The following RAB28 variants were observed in gnomAD, a reference collection of about 807,000 sequenced individuals.
The protein encoded by RAB28 is RAB28, member RAS oncogene family, also known as ras-related protein Rab-28.
Under a neutral mutation model 31.7 loss-of-function variants are expected in RAB28, and 24 were observed. The ratio of observed to expected loss-of-function variants is 0.76; its 90% CI spans 0.55 to 1.06. The LOEUF is 1.06. Ranked by LOEUF, RAB28 falls within the 50% of genes least tolerant of loss-of-function variation. The pLI, the probability that RAB28 is intolerant of heterozygous loss-of-function variation, is 0.00. For missense variants in RAB28, 254 were observed against 258.5 expected (o/e 0.98, Z 0.12); for synonymous variants, 100 against 90.4 (o/e 1.11, Z -0.60).
At chr4:13,391,747 C>A (rs1729639092) in intron 4 of RAB28, among the ~76,000 whole-genome samples, 1 of 152,034 alleles carries the variant, frequency 6.6e-6, no homozygotes, top group African/African-American at 2.4e-5. Flanking sequence ...GAGTTCTTTT[C>A]CTTTGCAGGG....
chr4:13,415,907 G>A (rs193262460), intron 4 of RAB28, among the ~76,000 whole-genome samples: 134 of 152,272 alleles, frequency 8.8e-4, no homozygotes, highest in African/African-American at 2.4e-3. Context: ...TACACCAATC[G>A]GCACTCTGTA....
Position 13,375,880 on chromosome 4 carries a change from A to G in RAB28, c.573+665T>C, listed in dbSNP as rs891382760. Reference sequence around the variant, plus strand: ...AATTTAAGGATGGGAAAAGATAATTATACTTTTTTAGTTGCACAGGGTGCG... The same window carrying G: ...AATTTAAGGATGGGAAAAGATAATTGTACTTTTTTAGTTGCACAGGGTGCG... On this transcript the variant is annotated intron_variant, in intron 6 of 6. Transcript: ENST00000330852. 3.9e-5 allele frequency among the ~76,000 whole-genome samples: 6 copies of G among 152,102 alleles called. No individual in the cohort carries two copies. The South Asian group carries it at 1.2e-3, about 32-fold the overall frequency.
intron 4 of RAB28, among the ~76,000 whole-genome samples, chr4:13,428,311 T>C (rs1201756631): frequency 1.3e-5 from 2 of 151,998 alleles, no homozygotes; most frequent in Non-Finnish European, 2.9e-5. Flanking sequence ...TAACAAAGCA[T>C]GAAAACAAGC....
chr4:13,410,931 T>C (rs370819176), intron 4 of RAB28, among the ~76,000 whole-genome samples: 9 of 151,976 alleles, frequency 5.9e-5, no homozygotes, highest in Non-Finnish European at 8.8e-5. Context: ...GGAGAAATAA[T>C]AAAACAAGTG....
intron 4 of RAB28, among the ~76,000 whole-genome samples, chr4:13,397,755 T>C (rs1014939921): frequency 1.3e-5 from 2 of 152,160 alleles, no homozygotes; most frequent in South Asian, 2.1e-4. Context: ...CTACAATTAT[T>C]ATCACCTGAC....
intron 4 of RAB28, 23 bp downstream of exon 4, chr4:13,460,675 CA>C (rs1361683170): frequency 3.7e-6 from 6 of 1,613,434 alleles, no homozygotes; most frequent in Non-Finnish European, 4.2e-6. Context: ...CTGTACCATA[CA>C]TAAACAAGCA....
Position 13,442,479 on chromosome 4 carries a change from T to G in RAB28, c.391+18220A>C, listed in dbSNP as rs568094128. 2.2e-4 allele frequency among the ~76,000 whole-genome samples: 33 copies of G among 148,996 alleles called. 1 individual carries two copies. In the East Asian group the frequency reaches 6.2e-3, roughly 28 times the overall value. The stretch of plus-strand genomic sequence containing the variant: ...CCTCCATCAGCAGAATTTAAGCAAA[T>G]GTCCAAAAAAAAAAAACTTCTAAAC... On this transcript the variant is annotated intron_variant, in intron 4 of 6. Transcript: ENST00000330852.
intron 4 of RAB28, among the ~76,000 whole-genome samples, chr4:13,428,686 A>C (rs1267547420): frequency 6.6e-6 from 1 of 152,198 alleles, no homozygotes; most frequent in Non-Finnish European, 1.5e-5. Context: ...GGAGAGCACC[A>C]AGTATTCCTC....
chr4:13,444,024 T>TA (rs1714558337), intron 4 of RAB28, among the ~76,000 whole-genome samples: 1 of 151,996 alleles, frequency 6.6e-6, no homozygotes, highest in Non-Finnish European at 1.5e-5. Flanking sequence ...TTTCCTTTTT[T>TA]TTTTTTTTTC....
At chr4:13,372,153 G>C (rs934336038) in intron 6 of RAB28, among the ~76,000 whole-genome samples, 1 of 152,052 alleles carries the variant, frequency 6.6e-6, no homozygotes, top group African/African-American at 2.4e-5. Flanking sequence ...AGACATTTAG[G>C]TAAATAATGC....
intron 4 of RAB28, among the ~76,000 whole-genome samples, chr4:13,428,795 A>C (rs1713649939): frequency 6.6e-6 from 1 of 152,204 alleles, no homozygotes; most frequent in Non-Finnish European, 1.5e-5. Context: ...ACATCCAGGA[A>C]GTTCAGCAAA....
chr4:13,455,014 G>T (rs1294073531), intron 4 of RAB28, among the ~76,000 whole-genome samples: 2 of 152,204 alleles, frequency 1.3e-5, no homozygotes, highest in African/African-American at 4.8e-5. Context: ...TTGATGGCTA[G>T]CCTAGGAGGA....
chr4:13,460,231 G>A lies in RAB28; in HGVS notation c.391+468C>T, dbSNP rs1159169182. Among the ~76,000 whole-genome samples the A allele has an allele frequency of 2.6e-5, 4 of 152,152 alleles. No homozygotes were observed. In the East Asian group the frequency reaches 7.7e-4, roughly 29 times the overall value. On this transcript the variant is annotated intron_variant, in intron 4 of 6. Coordinates refer to ENST00000330852, the MANE Select transcript of RAB28 (RefSeq NM_001017979.3). ...CCACAAACATTATTTCTCAAACTTC[G>A]GTAAGTAAAGTCCAAGATCAAGGTA...
At chr4:13,451,846 G>A (rs913083091) in intron 4 of RAB28, among the ~76,000 whole-genome samples, 1 of 151,578 alleles carries the variant, frequency 6.6e-6, no homozygotes, top group Non-Finnish European at 1.5e-5. Flanking sequence ...TGAAGAGAGT[G>A]TCCTTTCCCC....
chr4:13,390,888 TTATACAAAA>T (rs1729598220), intron 4 of RAB28, among the ~76,000 whole-genome samples: 1 of 152,154 alleles, frequency 6.6e-6, no homozygotes, highest in African/African-American at 2.4e-5. Flanking sequence ...TCCTTACACC[TTATACAAAA>T]ATTAATTCAA....
At chr4:13,459,051 G>C (rs998986007) in intron 4 of RAB28, among the ~76,000 whole-genome samples, 1 of 152,206 alleles carries the variant, frequency 6.6e-6, no homozygotes, top group Non-Finnish European at 1.5e-5. Flanking sequence ...AGTATGGCTA[G>C]AATAAAGCAG....
intron 4 of RAB28, among the ~76,000 whole-genome samples, chr4:13,435,596 C>G (rs1000813163): frequency 6.6e-6 from 1 of 152,130 alleles, no homozygotes. Context: ...ACTGCAAACA[C>G]GTCCATGTGC....
chr4:13,437,498 A>G lies in RAB28; in HGVS notation c.391+23201T>C, dbSNP rs57690742. Among the ~76,000 whole-genome samples the G allele has an allele frequency of 1.1e-3, 165 of 152,238 alleles. 2 individuals carry two copies. The highest frequency in any genetic ancestry group is 3.7e-3 in the African/African-American group (154 of 41,536). On this transcript the variant is annotated intron_variant, in intron 4 of 6. Transcript: ENST00000330852. Reference sequence around the variant, plus strand: ...GAACTAATATCCAGAATCTGTAAGGAATTTAAGTCAAGGAAAAAAAAATAA... The same window carrying G: ...GAACTAATATCCAGAATCTGTAAGGGATTTAAGTCAAGGAAAAAAAAATAA...
At chr4:13,455,505 TG>T (rs1715248581) in intron 4 of RAB28, among the ~76,000 whole-genome samples, 1 of 152,140 alleles carries the variant, frequency 6.6e-6, no homozygotes, top group African/African-American at 2.4e-5. Context: ...GGAATGAAGA[TG>T]GAATCCCAGT....
Sources: allele counts gnomAD v4.1 joint callset (sites outside exome capture counted in the v4.1 genomes callset), GRCh38; gene constraint gnomAD v4.1.1; transcripts MANE v1.5; gene names NCBI Gene and HGNC (gene_info 2026-07-23, HGNC 2026-07-21).